The following SEC14L2 variants were observed in gnomAD, a reference collection of about 807,000 sequenced individuals.
SEC14L2 encodes SEC14-like protein 2.
Under a neutral mutation model 56.9 loss-of-function variants are expected in SEC14L2, and 50 were observed. That is an observed-to-expected ratio of 0.88 (90% CI 0.70 to 1.11). SEC14L2 has a LOEUF of 1.11. SEC14L2 is among the 50% of genes most tolerant of loss of function. The pLI, the probability that SEC14L2 is intolerant of heterozygous loss-of-function variation, is 0.00. For missense variants in SEC14L2, 414 were observed against 500.7 expected (o/e 0.83, Z 1.65); for synonymous variants, 179 against 188.5 (o/e 0.95, Z 0.41).
chr22:30,399,122 C>T (rs1255717822), intron 1 of SEC14L2, among the ~76,000 whole-genome samples: 4 of 152,172 alleles, frequency 2.6e-5, no homozygotes, highest in African/African-American at 9.7e-5. Flanking sequence ...GTCTCACTCC[C>T]TTCCCACTTC....
At chr22:30,409,023 C>T in intron 5 of SEC14L2, 164 bp from the exon 6 acceptor site, 3 of 725,234 alleles carry the variant, frequency 4.1e-6, no homozygotes, top group Non-Finnish European at 7.6e-6. Context: ...GCCTAGACCA[C>T]AATTCTGGCC....
rs377542287 is a variant in SEC14L2, at chr22:30,415,913, T to G, written c.772-35T>G. On this transcript the variant is annotated intron_variant, in intron 9 of 11. Coordinates refer to ENST00000615189, the MANE Select transcript of SEC14L2 (RefSeq NM_012429.5). Reference sequence around the variant, plus strand: ...GGTGAACAGGGATGCCTGGCTCAAATGCACATTCCAGTTCACTCCATGCCA... The same window carrying G: ...GGTGAACAGGGATGCCTGGCTCAAAGGCACATTCCAGTTCACTCCATGCCA... 1.8e-5 allele frequency: 29 copies of G among 1,614,012 alleles called. No homozygotes were observed. In the African/African-American group the frequency reaches 2.1e-4, roughly 12 times the overall value.
At chr22:30,408,993 C>G (rs1374885643) in intron 5 of SEC14L2, 194 bp from the exon 6 acceptor site, 2 of 679,584 alleles carry the variant, frequency 2.9e-6, no homozygotes, top group East Asian at 5.5e-5. Context: ...ACACAGAGAC[C>G]TAGGCAGGAA....
rs1177548421 is a variant in SEC14L2, at chr22:30,415,960, G to A, written c.784G>A (p.Gly262Ser). The A allele has an allele frequency of 3.1e-6, 5 of 1,614,152 alleles. No homozygotes were observed. The highest frequency in any genetic ancestry group is 2.2e-5 in the South Asian group (2 of 91,080). The change falls in exon 10 of 12, where the codon GGT becomes AGT. Residue 262 changes from glycine to serine, a missense_variant. Coordinates refer to ENST00000615189, the MANE Select transcript of SEC14L2 (RefSeq NM_012429.5). ...PKCKSKINYG[G>S]DIPRKYYVRD... The stretch of plus-strand genomic sequence containing the variant: ...GCCATGCTTCTAGATCAACTACGGG[G>A]GTGACATCCCCAGGAAGTATTATGT...
chr22:30,400,664 C>G (rs544115777), intron 2 of SEC14L2, among the ~76,000 whole-genome samples: 2 of 151,758 alleles, frequency 1.3e-5, no homozygotes, highest in South Asian at 2.1e-4. Context: ...GGAGGCTAGG[C>G]GGGCAGATCA....
intron 11 of SEC14L2, among the ~76,000 whole-genome samples, chr22:30,417,404 AC>A (rs1934415795): frequency 6.6e-6 from 1 of 152,210 alleles, no homozygotes; most frequent in Non-Finnish European, 1.5e-5. Flanking sequence ...TCCCTTCAAC[AC>A]CCACAATCAA....
chr22:30,399,774 A>G lies in SEC14L2; in HGVS notation c.130+56A>G, dbSNP rs1483695066. ...GCAGGGGCTTGTTCTGGGCAACAGA[A>G]TAGCACCCTCTGAAAACCCTGCCCT... On this transcript the variant is annotated intron_variant, in intron 2 of 11. Coordinates refer to ENST00000615189, the MANE Select transcript of SEC14L2 (RefSeq NM_012429.5). 4.7e-6 allele frequency: 7 copies of G among 1,489,192 alleles called. No individual in the cohort carries two copies. The Admixed American group carries it at 1.1e-4, about 23-fold the overall frequency. 92.2% of individuals were successfully genotyped at this position (1,489,192 alleles called of 1,614,324 possible). A position where few individuals can be genotyped will look rare whatever the true frequency, so the allele number is the denominator to read the frequency against.
intron 5 of SEC14L2, among the ~76,000 whole-genome samples, chr22:30,408,823 C>A (rs1174839600): frequency 6.6e-6 from 1 of 152,238 alleles, no homozygotes; most frequent in African/African-American, 2.4e-5. Flanking sequence ...CCTGAGGGTT[C>A]AGGGTGCACA....
intron 7 of SEC14L2, 95 bp from the exon 8 acceptor site, chr22:30,410,501 T>C: frequency 8.4e-7 from 1 of 1,195,774 alleles, no homozygotes. Flanking sequence ...TGGCCCAGCA[T>C]GGGCTGGCAG....
intron 7 of SEC14L2, among the ~76,000 whole-genome samples, chr22:30,410,256 C>CT (rs766780381): frequency 7.9e-5 from 12 of 152,208 alleles, no homozygotes; most frequent in Non-Finnish European, 1.0e-4. Context: ...GAGCAAGACT[C>CT]TGTCTCAAAA....
rs765541601 is a variant in SEC14L2 at position 30,409,217 on chromosome 22, A to G, written c.454A>G (p.Ile152Val). The change falls in exon 6 of 12, where the codon ATT becomes GTT. Residue 152 changes from isoleucine to valine, a missense_variant. Physicochemically the swap from Ile to Val is conservative, Grantham distance 29. Coordinates refer to ENST00000615189, the MANE Select transcript of SEC14L2 (RefSeq NM_012429.5). ...GAGGAAGGTGGAGACCATCACCATA[A>G]TTTATGACTGCGAGGGGCTTGGCCT... ...LGRKVETITI[I>V]YDCEGLGLKH... is the part of the protein sequence containing the mutation. 3.1e-6 allele frequency: 5 copies of G among 1,612,346 alleles called. No individual in the cohort carries two copies. In the African/African-American group the frequency reaches 6.7e-5, roughly 22 times the overall value.
intron 7 of SEC14L2, 88 bp from the exon 8 acceptor site, chr22:30,410,508 G>GC: frequency 7.9e-7 from 1 of 1,263,798 alleles, no homozygotes; most frequent in Non-Finnish European, 1.2e-6. Context: ...GCATGGGCTG[G>GC]CAGGAGGGTA....
In SEC14L2 at chr22:30,424,909, A is replaced by G. The variant is rs2146052982; in HGVS notation, c.*2502A>G. Reference sequence around the variant, plus strand: ...GATTCATTCATTCGTTAATTAATTCATCCAACATCCTGTCCCCAAGAAGCT... The same window carrying G: ...GATTCATTCATTCGTTAATTAATTCGTCCAACATCCTGTCCCCAAGAAGCT... On this transcript the variant is annotated 3_prime_UTR_variant, in exon 12 of 12. Coordinates refer to ENST00000615189, the MANE Select transcript of SEC14L2 (RefSeq NM_012429.5). 2.3e-6 allele frequency: 1 copy of G among 440,826 alleles called. No homozygotes were observed. Among genetic ancestry groups the G allele is most frequent in the African/African-American group, 2.0e-5 (1 of 49,958 alleles). The allele number at this position is 440,826 out of a possible 1,614,324, so 27.3% of individuals were successfully genotyped here. A position where few individuals can be genotyped will look rare whatever the true frequency, so the allele number is the denominator to read the frequency against.
rs763862631 is a variant in SEC14L2, at chr22:30,409,423, C to G, written c.520-3C>G. ...GGAATCAAGAGTGATTTTGTTTCCA[C>G]AGTTTCTCTGCATGTTTGAGGAAAA... On this transcript the variant is annotated splice_region_variant and splice_polypyrimidine_tract_variant and intron_variant, in intron 6 of 11. Coordinates refer to ENST00000615189, the MANE Select transcript of SEC14L2 (RefSeq NM_012429.5). 6.2e-7 allele frequency: 1 copy of G among 1,614,058 alleles called. No individual in the cohort carries two copies. The highest frequency in any genetic ancestry group is 2.2e-5 in the East Asian group (1 of 44,876).
At chr22:30,412,317 A>G (rs1934271370) in intron 8 of SEC14L2, among the ~76,000 whole-genome samples, 1 of 152,254 alleles carries the variant, frequency 6.6e-6, no homozygotes, top group Non-Finnish European at 1.5e-5. Flanking sequence ...GGGAAGCTAT[A>G]GATTTGTTTG....
At chr22:30,418,813 G>A (rs1352309966) in intron 11 of SEC14L2, among the ~76,000 whole-genome samples, 1 of 152,202 alleles carries the variant, frequency 6.6e-6, no homozygotes, top group Non-Finnish European at 1.5e-5. Context: ...AATGCCCTTG[G>A]AGAACCAGGA....
rs1160833277 is a variant in SEC14L2, at chr22:30,404,939, G to A, written c.131-1403G>A. 9.2e-5 allele frequency among the ~76,000 whole-genome samples: 14 copies of A among 152,182 alleles called. No individual in the cohort carries two copies. The Middle Eastern group carries it at 0.014, about 148-fold the overall frequency. ...ACAAAAATTAGCCAGGTGTGGTGGC[G>A]TGTGCCTGTAATCCCAGCTACTCAG... On this transcript the variant is annotated intron_variant, in intron 2 of 11. Coordinates refer to ENST00000615189, the MANE Select transcript of SEC14L2 (RefSeq NM_012429.5).
intron 8 of SEC14L2, among the ~76,000 whole-genome samples, chr22:30,415,174 G>A (rs1934354372): frequency 6.6e-6 from 1 of 152,178 alleles, no homozygotes; most frequent in South Asian, 2.1e-4. Context: ...GCTCATGCCT[G>A]TAATCCCAGC....
chr22:30,420,590 G>A (rs1282487030), intron 11 of SEC14L2: 2 of 152,182 alleles, frequency 1.3e-5, no homozygotes, highest in Admixed American at 1.3e-4. Flanking sequence ...TCTTGCCAGA[G>A]GGACTATTGG....
Sources: gnomAD v4.1 joint callset for allele counts (sites outside exome capture counted in the v4.1 genomes callset) on GRCh38, gnomAD v4.1.1 for gene constraint, MANE v1.5 for transcripts, NCBI Gene and HGNC (gene_info 2026-07-23, HGNC 2026-07-21) for gene names.